The following ZNF407 variants were observed in gnomAD, a reference collection of about 807,000 sequenced individuals.
ZNF407 encodes the protein zinc finger protein 407.
In ZNF407, 17 loss-of-function variants were observed where a neutral mutation model predicts 131.2. That is an observed-to-expected ratio of 0.13 (90% CI 0.09 to 0.19). The LOEUF is 0.19. Among genes scored for constraint, ZNF407 ranks in the 10% least tolerant of loss-of-function variants. The probability of loss-of-function intolerance (pLI) is 1.00; values close to 1 mark genes in which losing one functional copy is unlikely to be tolerated. For missense variants in ZNF407, 2,681 were observed against 2,830.6 expected, an observed-to-expected ratio of 0.95 and a Z score of 1.20; for synonymous variants, 1,156 against 1,062.0, an observed-to-expected ratio of 1.09 and a Z score of -1.72.
rs530676989 is a variant in ZNF407, at chr18:74,799,460, C to T, written c.4877+17958C>T. Among the ~76,000 whole-genome samples, 3 of 152,118 alleles carry T rather than the reference C, an allele frequency of 2.0e-5. No individual in the cohort carries two copies. In the East Asian group the frequency reaches 5.8e-4, roughly 29 times the overall value. On this transcript the variant is annotated intron_variant, in intron 4 of 8. Transcript: ENST00000299687. ...TAAATTTTAAAATTTTTGTTTCATT[C>T]CTGATTTCTAGCACTTCAGGTTTTA...
intron 3 of ZNF407, among the ~76,000 whole-genome samples, chr18:74,742,328 C>T (rs1340211798): frequency 1.3e-5 from 2 of 152,152 alleles, no homozygotes; most frequent in East Asian, 3.9e-4. Context: ...AATTAACAAT[C>T]TGGAAGAACT....
In ZNF407 at chr18:74,632,458, T is replaced by C. The variant is rs371620799; in HGVS notation, c.1439T>C (p.Leu480Pro). The C allele has an allele frequency of 1.2e-6, 2 of 1,613,916 alleles. No homozygotes were observed. Among genetic ancestry groups the C allele is most frequent in the Non-Finnish European group, 1.7e-6 (2 of 1,179,908 alleles). ...GATGCAGAATCAGTGCTGAAACACC[T>C]GGAAGCGTGCAGCAGTGTGCAGAGA... ...THDAESVLKH[L>P]EACSSVQRVC... The change falls in exon 2 of 9, where the codon CTG (leucine) becomes CCG (proline). Residue 480 changes from leucine to proline, a missense_variant. Around this residue, in one of 6 missense-constraint regions of ZNF407, gnomAD observed 1,789 missense variants for 1,748.7 expected, o/e 1.02. Coordinates refer to ENST00000299687, the MANE Select transcript of ZNF407 (RefSeq NM_017757.3).
rs532051847 is a variant in ZNF407 at position 74,781,584 on chromosome 18, CT to C, written c.4877+90del. ...TTTATTTAATGACATGACTTCTAGA[CT>C]TTTTTTTCACATCAGTTAATCATGT... On this transcript the variant is annotated intron_variant, in intron 4 of 8. Transcript: ENST00000299687. The C allele has an allele frequency of 1.0e-3, 1,059 of 1,052,570 alleles. 13 individuals are homozygous for C. The South Asian group carries it at 0.016, about 15-fold the overall frequency. 65.2% of individuals were successfully genotyped at this position (1,052,570 alleles called of 1,614,324 possible). A position where few individuals can be genotyped will look rare whatever the true frequency, so the allele number is the denominator to read the frequency against.
intron 3 of ZNF407, among the ~76,000 whole-genome samples, chr18:74,685,793 T>C (rs934897352): frequency 1.5e-4 from 23 of 152,234 alleles, no homozygotes; most frequent in African/African-American, 5.3e-4. Context: ...GCCTTCGAAG[T>C]GCCACCTGGT....
intron 4 of ZNF407, chr18:74,804,163 GTAC>G: frequency 1.4e-6 from 2 of 1,445,696 alleles, no homozygotes; most frequent in Non-Finnish European, 1.8e-6. Flanking sequence ...TTTTATCTGT[GTAC>G]TTCTTTGCAT....
chr18:74,926,030 A>AT (rs1304404612), intron 8 of ZNF407, among the ~76,000 whole-genome samples: 1 of 152,206 alleles, frequency 6.6e-6, no homozygotes, highest in Non-Finnish European at 1.5e-5. Flanking sequence ...TCCTAAAATA[A>AT]TTAACACTTC....
intron 7 of ZNF407, among the ~76,000 whole-genome samples, chr18:74,907,522 T>C (rs1009865442): frequency 1.3e-5 from 2 of 152,154 alleles, no homozygotes; most frequent in African/African-American, 4.8e-5. Flanking sequence ...CCGTACATGG[T>C]CGGGGAAATG....
At chr18:74,905,196 G>A (rs1422655407) in intron 7 of ZNF407, 1 of 152,214 alleles carries the variant, frequency 6.6e-6, no homozygotes, top group Non-Finnish European at 1.5e-5. Flanking sequence ...CATTTTGAAA[G>A]TAAAAAGTCA....
intron 3 of ZNF407, among the ~76,000 whole-genome samples, chr18:74,695,278 T>C (rs1395058576): frequency 6.6e-6 from 1 of 152,222 alleles, no homozygotes; most frequent in East Asian, 1.9e-4. Flanking sequence ...GCATAACATC[T>C]ATGCCTTTGG....
At chr18:75,038,526 A>G (rs1356315380) in intron 8 of ZNF407, among the ~76,000 whole-genome samples, 1 of 152,214 alleles carries the variant, frequency 6.6e-6, no homozygotes, top group African/African-American at 2.4e-5. Flanking sequence ...TTTATCAATA[A>G]TAAAAAGTGT....
At chr18:75,053,996 G>T (rs557775258) in intron 8 of ZNF407, among the ~76,000 whole-genome samples, 20 of 152,336 alleles carry the variant, frequency 1.3e-4, no homozygotes, top group Admixed American at 1.2e-3. Context: ...CTGGACTCAG[G>T]GATTTCTGCG....
intron 7 of ZNF407, among the ~76,000 whole-genome samples, chr18:74,914,699 T>A (rs887889626): frequency 1.3e-5 from 2 of 152,152 alleles, no homozygotes; most frequent in Non-Finnish European, 2.9e-5. Context: ...GAAATCCTCA[T>A]GTGGGGAATG....
At chr18:75,005,028 T>C (rs1972891952) in intron 8 of ZNF407, among the ~76,000 whole-genome samples, 1 of 152,198 alleles carries the variant, frequency 6.6e-6, no homozygotes, top group Admixed American at 6.5e-5. Flanking sequence ...ATATGACATA[T>C]TGTGTGTCTC....
chr18:74,633,190 T>C lies in ZNF407; in HGVS notation c.2171T>C (p.Ile724Thr), dbSNP rs945761296. 4.3e-6 allele frequency: 7 copies of C among 1,613,756 alleles called. No homozygotes were observed. The highest frequency in any genetic ancestry group is 5.9e-6 in the Non-Finnish European group (7 of 1,179,800). ...TCTTCTACTGTTCTCACGAGACATA[T>C]AAAGCTTCGGCATGGTCAAGACTAT... The part of the protein sequence containing the change: ...TRSSTVLTRH[I>T]KLRHGQDYHF... The change falls in exon 2 of 9, where the codon ATA (isoleucine) becomes ACA (threonine). Residue 724 changes from isoleucine (I) to threonine (T), a missense_variant. By Grantham distance (89) the Ile-to-Thr change is moderately conservative (BLOSUM62 -1). Around this residue, in one of 6 missense-constraint regions of ZNF407, gnomAD observed 1,789 missense variants for 1,748.7 expected, o/e 1.02. Transcript: ENST00000299687.
At chr18:74,788,424 A>C (rs1424033395) in intron 4 of ZNF407, among the ~76,000 whole-genome samples, 1 of 152,134 alleles carries the variant, frequency 6.6e-6, no homozygotes, top group Non-Finnish European at 1.5e-5. Context: ...GTAGTGGTCC[A>C]GTGGTGCTTT....
chr18:74,611,764 A>G (rs901900331), intron 1 of ZNF407, among the ~76,000 whole-genome samples: 3 of 152,170 alleles, frequency 2.0e-5, no homozygotes, highest in Non-Finnish European at 2.9e-5. Flanking sequence ...TCGCAGCATC[A>G]TTTGGGAACT....
chr18:74,735,565 A>C (rs373387946), intron 3 of ZNF407, among the ~76,000 whole-genome samples: 6 of 152,220 alleles, frequency 3.9e-5, no homozygotes, highest in Non-Finnish European at 7.3e-5. Context: ...TGTTTACTCA[A>C]CCGTTGAGGA....
chr18:75,016,744 C>G (rs1365257269), intron 8 of ZNF407, among the ~76,000 whole-genome samples: 3 of 152,110 alleles, frequency 2.0e-5, no homozygotes, highest in Non-Finnish European at 4.4e-5. Context: ...TCATCTATTT[C>G]TGATTTTCTG....
At chr18:74,722,405 A>C (rs1446096730) in intron 3 of ZNF407, among the ~76,000 whole-genome samples, 1 of 152,036 alleles carries the variant, frequency 6.6e-6, no homozygotes, top group Non-Finnish European at 1.5e-5. Context: ...TCCTTGCCAC[A>C]TTTCTTGCTA....
Sources: allele counts gnomAD v4.1 joint callset (sites outside exome capture counted in the v4.1 genomes callset), GRCh38; gene constraint gnomAD v4.1.1; regional missense constraint gnomAD v4.1.1; transcripts MANE v1.5; gene names NCBI Gene and HGNC (gene_info 2026-07-23, HGNC 2026-07-21).